The following ZNF407 variants were observed in gnomAD, a reference collection of about 807,000 sequenced individuals.
The protein encoded by ZNF407 is zinc finger protein 407.
Under a neutral mutation model 131.2 loss-of-function variants are expected in ZNF407, and 17 were observed. That is an observed-to-expected ratio of 0.13 (90% CI 0.09 to 0.19). The LOEUF (loss-of-function observed/expected upper bound fraction) is 0.19. Ranked by LOEUF, ZNF407 falls within the 10% of genes least tolerant of loss-of-function variation. The pLI, the probability that ZNF407 is intolerant of heterozygous loss-of-function variation, is 1.00. For missense variants in ZNF407, 2,681 were observed against 2,830.6 expected, an observed-to-expected ratio of 0.95 and a Z score of 1.20; for synonymous variants, 1,156 against 1,062.0, an observed-to-expected ratio of 1.09 and a Z score of -1.72.
At chr18:74,775,730 G>C (rs1969456136) in intron 3 of ZNF407, among the ~76,000 whole-genome samples, 2 of 152,282 alleles carry the variant, frequency 1.3e-5, no homozygotes, top group East Asian at 1.9e-4. Flanking sequence ...AGGTTTAATT[G>C]GCTCATGGTT....
At chr18:74,831,599 T>A (rs1437442867) in intron 4 of ZNF407, among the ~76,000 whole-genome samples, 1 of 152,218 alleles carries the variant, frequency 6.6e-6, no homozygotes, top group African/African-American at 2.4e-5. Flanking sequence ...AGTCTTTCCT[T>A]CCTTTTTAAG....
chr18:74,627,263 G>C (rs1345142019), intron 1 of ZNF407, among the ~76,000 whole-genome samples: 1 of 152,128 alleles, frequency 6.6e-6, no homozygotes, highest in Non-Finnish European at 1.5e-5. Flanking sequence ...GTATTGTCTC[G>C]ATGTCTCATC....
At chr18:74,758,252 AT>A (rs971458627) in intron 3 of ZNF407, among the ~76,000 whole-genome samples, 70 of 151,846 alleles carry the variant, frequency 4.6e-4, no homozygotes, top group African/African-American at 1.5e-3. Context: ...TTAAATAGGA[AT>A]TTTTCTTATT....
chr18:74,817,524 TATG>T (rs1970283858), intron 4 of ZNF407, among the ~76,000 whole-genome samples: 1 of 152,238 alleles, frequency 6.6e-6, no homozygotes, highest in Admixed American at 6.5e-5. Context: ...AGGTAACTTT[TATG>T]ATACTATTTT....
intron 3 of ZNF407, among the ~76,000 whole-genome samples, chr18:74,670,724 C>G (rs1325741314): frequency 6.6e-6 from 1 of 152,164 alleles, no homozygotes; most frequent in African/African-American, 2.4e-5. Context: ...GTTGCTTAGG[C>G]TGGAGCACGG....
At chr18:74,971,107 CAG>C (rs1208885578) in intron 8 of ZNF407, among the ~76,000 whole-genome samples, 1 of 152,202 alleles carries the variant, frequency 6.6e-6, no homozygotes, top group Non-Finnish European at 1.5e-5. Context: ...GGCTGGGACA[CAG>C]GGCACCAAGT....
Position 74,707,748 on chromosome 18 carries a change from T to G in ZNF407, c.4802+66626T>G, listed in dbSNP as rs1967660999. 3.9e-5 allele frequency among the ~76,000 whole-genome samples: 6 copies of G among 152,206 alleles called. No individual in the cohort carries two copies. In the South Asian group the frequency reaches 1.2e-3, roughly 31 times the overall value. ...TCAATGTATTATCTGTTGATTGGACTTTTTCCTCATGAAATCTTTGTCTAC... is the reference window on the plus strand; with the variant it reads ...TCAATGTATTATCTGTTGATTGGACGTTTTCCTCATGAAATCTTTGTCTAC... On this transcript the variant is annotated intron_variant, in intron 3 of 8. Coordinates refer to ENST00000299687, the MANE Select transcript of ZNF407 (RefSeq NM_017757.3).
At chr18:74,918,757 ATATT>A (rs1191927758) in intron 7 of ZNF407, among the ~76,000 whole-genome samples, 3 of 152,074 alleles carry the variant, frequency 2.0e-5, no homozygotes, top group Non-Finnish European at 4.4e-5. Flanking sequence ...TAAAATATAT[ATATT>A]TAACATATAA....
chr18:74,959,549 A>G lies in ZNF407; in HGVS notation c.5428+38857A>G, dbSNP rs117561119. 3.3e-5 allele frequency among the ~76,000 whole-genome samples: 5 copies of G among 152,172 alleles called. No individual in the cohort carries two copies. In the South Asian group the frequency reaches 8.3e-4, roughly 25 times the overall value. On this transcript the variant is annotated intron_variant, in intron 8 of 8. Coordinates refer to ENST00000299687, the MANE Select transcript of ZNF407 (RefSeq NM_017757.3). ...TTTGTTCTGTTGAGGTTGTGTTTCTATGTATCTTGAATTTTTTTCTATGCC... is the reference window on the plus strand; with the variant it reads ...TTTGTTCTGTTGAGGTTGTGTTTCTGTGTATCTTGAATTTTTTTCTATGCC...
At chr18:74,616,434 T>G (rs1983291541) in intron 1 of ZNF407, among the ~76,000 whole-genome samples, 1 of 152,114 alleles carries the variant, frequency 6.6e-6, no homozygotes, top group African/African-American at 2.4e-5. Flanking sequence ...AGAAAACCTT[T>G]GTCGTTTTTA....
chr18:74,665,560 C>T (rs1230099815), intron 3 of ZNF407, among the ~76,000 whole-genome samples: 1 of 152,146 alleles, frequency 6.6e-6, no homozygotes, highest in Non-Finnish European at 1.5e-5. Context: ...TCACATTGCG[C>T]AAGTTTCAGT....
intron 8 of ZNF407, among the ~76,000 whole-genome samples, chr18:74,997,527 A>G (rs1972793364): frequency 6.6e-6 from 1 of 152,200 alleles, no homozygotes; most frequent in African/African-American, 2.4e-5. Flanking sequence ...CTAAATGTGC[A>G]TGTTTGAGAT....
chr18:74,888,028 G>T (rs1159385919), intron 6 of ZNF407, among the ~76,000 whole-genome samples: 4 of 152,136 alleles, frequency 2.6e-5, no homozygotes, highest in African/African-American at 9.7e-5. Flanking sequence ...GACAGATACG[G>T]TTTTGTTGAT....
chr18:75,001,893 G>A (rs1401706780), intron 8 of ZNF407, among the ~76,000 whole-genome samples: 1 of 152,194 alleles, frequency 6.6e-6, no homozygotes, highest in Non-Finnish European at 1.5e-5. Context: ...GTCCCACCTT[G>A]GGCAAGGGCA....
At chr18:74,891,968 A>G (rs1364986812) in intron 7 of ZNF407, among the ~76,000 whole-genome samples, 1 of 152,148 alleles carries the variant, frequency 6.6e-6, no homozygotes, top group Admixed American at 6.6e-5. Context: ...TTATTCTCCT[A>G]TATAACTACT....
chr18:74,943,180 T>G (rs1972119367), intron 8 of ZNF407, among the ~76,000 whole-genome samples: 1 of 152,302 alleles, frequency 6.6e-6, no homozygotes, highest in Middle Eastern at 3.4e-3. Flanking sequence ...CCTCCCAAAG[T>G]GCTGAGATTA....
intron 3 of ZNF407, among the ~76,000 whole-genome samples, chr18:74,752,642 C>T (rs1333660145): frequency 6.6e-6 from 1 of 152,184 alleles, no homozygotes; most frequent in African/African-American, 2.4e-5. Flanking sequence ...ATCTTTTCCC[C>T]ATTTCTCGTT....
At chr18:74,902,726 C>G (rs1274667447) in intron 7 of ZNF407, among the ~76,000 whole-genome samples, 2 of 152,116 alleles carry the variant, frequency 1.3e-5, no homozygotes, top group Non-Finnish European at 2.9e-5. Flanking sequence ...ATGCATTTTT[C>G]GATTAATACT....
chr18:74,832,254 C>T (rs902975800), intron 4 of ZNF407, among the ~76,000 whole-genome samples: 1 of 152,066 alleles, frequency 6.6e-6, no homozygotes, highest in African/African-American at 2.4e-5. Context: ...TCATGTTTTT[C>T]TGATTATAGT....
Sources: allele counts gnomAD v4.1 joint callset (sites outside exome capture counted in the v4.1 genomes callset), GRCh38; gene constraint gnomAD v4.1.1; transcripts MANE v1.5; gene names NCBI Gene and HGNC (gene_info 2026-07-23, HGNC 2026-07-21).